Variants in AMMECR1 observed in about 807,000 individuals in gnomAD.
The protein encoded by AMMECR1 is nuclear protein AMMECR1.
AMMECR1 carries 3 observed loss-of-function variants against 22.5 expected under a neutral mutation model. That is an observed-to-expected ratio of 0.13 (90% CI 0.06 to 0.35). AMMECR1 has a LOEUF of 0.35. Among genes scored for constraint, AMMECR1 ranks in the 10% least tolerant of loss-of-function variants. The pLI, the probability that AMMECR1 is intolerant of heterozygous loss-of-function variation, is 1.00. For synonymous variants in AMMECR1, 130 were observed against 116.7 expected (o/e 1.11, Z -0.74); for missense variants, 235 against 278.7 (o/e 0.84, Z 1.12).
upstream of AMMECR1, among the ~76,000 whole-genome samples, chrX:110,323,009 G>T (rs1381222650): frequency 8.9e-6 from 1 of 111,826 alleles, no homozygotes; most frequent in Non-Finnish European, 1.9e-5. Flanking sequence ...TGCCTGGTAA[G>T]TAGGCTGCTG....
At chrX:110,386,346 TTTTA>T (rs2068455044) in intron 2 of AMMECR1, among the ~76,000 whole-genome samples, 1 of 109,951 alleles carries the variant, frequency 9.1e-6, no homozygotes, top group African/African-American at 3.3e-5. Context: ...ATTATATTTA[TTTTA>T]TTTTTTATTT....
chrX:110,312,947 A>T (rs2068030578), intron 1 of AMMECR1, among the ~76,000 whole-genome samples: 1 of 112,785 alleles, frequency 8.9e-6, no homozygotes, highest in Non-Finnish European at 1.9e-5. Flanking sequence ...TGCGATAGAC[A>T]GATACATCTT....
In AMMECR1 at chrX:110,421,569, G is replaced by A. The variant is rs183476084; in HGVS notation, c.-148+5089C>T. On this transcript the variant is annotated intron_variant, in intron 2 of 7. Coordinates refer to the AMMECR1 transcript ENST00000372057. ...AAATTCGAGCATATTTGCATTTATC[G>A]ACAGGTATTACTGATGGTAGAACAT... Among the ~76,000 whole-genome samples, 130 of 112,579 alleles carry A rather than the reference G, an allele frequency of 1.2e-3. 1 individual carries two copies. The highest frequency in any genetic ancestry group is 1.8e-3 in the Non-Finnish European group (98 of 53,289).
chrX:110,259,679 C>G (rs1372498108), intron 2 of AMMECR1, among the ~76,000 whole-genome samples: 1 of 107,849 alleles, frequency 9.3e-6, no homozygotes, highest in Non-Finnish European at 1.9e-5. Context: ...GCAAGCTCTG[C>G]CTCCCGGGTT....
rs139055597 is a variant in AMMECR1 at position 110,298,590 on chromosome X, C to G, written c.473+19009G>C. The stretch of plus-strand genomic sequence containing the variant: ...TACTTTCCATATAACTGCCCTGTCT[C>G]TCTTAACGTAGCACCTACAATTGTA... On this transcript the variant is annotated intron_variant, in intron 1 of 5. Transcript: ENST00000262844. 1.1e-3 allele frequency among the ~76,000 whole-genome samples: 123 copies of G among 111,394 alleles called. 1 individual carries two copies. The highest frequency in any genetic ancestry group is 0.011 in the East Asian group (39 of 3,545).
chrX:110,264,271 T>C (rs975644639), intron 2 of AMMECR1, among the ~76,000 whole-genome samples: 1 of 110,337 alleles, frequency 9.1e-6, no homozygotes, highest in South Asian at 3.8e-4. Flanking sequence ...AAAACATCGA[T>C]GGCAGAATAC....
intron 2 of AMMECR1, among the ~76,000 whole-genome samples, chrX:110,380,201 G>A (rs1278619657): frequency 8.9e-6 from 1 of 111,769 alleles, no homozygotes; most frequent in Non-Finnish European, 1.9e-5. Flanking sequence ...AGGAATTAAG[G>A]TTGCAAAATT....
Position 110,314,507 on chromosome X carries a change from T to G in AMMECR1, c.473+3092A>C, listed in dbSNP as rs189264947. On this transcript the variant is annotated intron_variant, in intron 1 of 5. Coordinates refer to ENST00000262844, the MANE Select transcript of AMMECR1 (RefSeq NM_015365.3). ...AAATTAGAATCTCTGGAGTTGGGGC[T>G]CAGGCATCCATATTTTTAATAACTT... Among the ~76,000 whole-genome samples, 106 of 111,515 alleles carry G rather than the reference T, an allele frequency of 9.5e-4. 1 individual carries two copies. The East Asian group carries it at 0.029, about 30-fold the overall frequency.
intron 2 of AMMECR1, among the ~76,000 whole-genome samples, chrX:110,393,651 C>T (rs761824385): frequency 1.8e-5 from 2 of 112,176 alleles, no homozygotes; most frequent in Middle Eastern, 4.6e-3. Context: ...CCTACCCTGG[C>T]CTGAGAACTG....
At chrX:110,202,733 T>C (rs760044450) in intron 3 of AMMECR1, among the ~76,000 whole-genome samples, 197 bp from the exon 4 acceptor site, 1 of 112,011 alleles carries the variant, frequency 8.9e-6, no homozygotes, top group South Asian at 3.7e-4. Context: ...AAATATTGAT[T>C]TGCATGTGCC....
At position 110,216,610 on chromosome X, in the gene AMMECR1, G is replaced by A. The variant is rs2148170890; in HGVS notation, c.607C>T (p.Pro203Ser). 1.7e-6 allele frequency: 2 copies of A among 1,201,898 alleles called. No individual in the cohort carries two copies. Among genetic ancestry groups the A allele is most frequent in the South Asian group, 1.8e-5 (1 of 56,095 alleles). The change falls in exon 3 of 6, where the codon CCC (proline) becomes TCC (serine). Residue 203 changes from proline (P) to serine (S), a missense_variant. Around this residue, in one of 2 missense-constraint regions of AMMECR1, gnomAD observed 111 missense variants for 181.7 expected, o/e 0.61. Transcript: ENST00000262844. ...GGCAGCTCATCCCTTGTCATTGGGGGAAAACGGCTATCTTTAAGGGCACTG... is the reference window on the plus strand; with the variant it reads ...GGCAGCTCATCCCTTGTCATTGGGGAAAAACGGCTATCTTTAAGGGCACTG... ...LTSALKDSRF[P>S]PMTRDELPRL...
At chrX:110,244,527 C>T (rs2067649064) in intron 2 of AMMECR1, among the ~76,000 whole-genome samples, 1 of 111,789 alleles carries the variant, frequency 8.9e-6, no homozygotes, top group Admixed American at 9.5e-5. Context: ...TAAAACCTTC[C>T]CCAATCTATC....
chrX:110,339,243 C>T (rs1376298289), intron 2 of AMMECR1, among the ~76,000 whole-genome samples: 1 of 110,575 alleles, frequency 9.0e-6, no homozygotes, highest in Non-Finnish European at 1.9e-5. Context: ...CAAAATACTG[C>T]ATGTTGCAAT....
At chrX:110,336,252 A>G (rs777140913) in intron 2 of AMMECR1, among the ~76,000 whole-genome samples, 4 of 111,974 alleles carry the variant, frequency 3.6e-5, no homozygotes, top group Admixed American at 9.5e-5. Context: ...GTTTCATTGC[A>G]TGTCAAGGTT....
chrX:110,291,665 T>C (rs1023607864), intron 1 of AMMECR1, among the ~76,000 whole-genome samples: 4 of 112,050 alleles, frequency 3.6e-5, no homozygotes, highest in Admixed American at 9.4e-5. Flanking sequence ...TGATGTTATA[T>C]TGCAGAATTT....
intron 2 of AMMECR1, among the ~76,000 whole-genome samples, chrX:110,354,860 C>T (rs943978006): frequency 9.8e-5 from 11 of 111,833 alleles, no homozygotes; most frequent in South Asian, 3.7e-4. Context: ...CTTGAACATA[C>T]GACCTGAAAC....
intron 1 of AMMECR1, among the ~76,000 whole-genome samples, chrX:110,295,309 G>A (rs2067929840): frequency 9.0e-6 from 1 of 111,219 alleles, no homozygotes; most frequent in Admixed American, 9.6e-5. Flanking sequence ...ATATCATTAA[G>A]CACTTTGAGG....
At chrX:110,373,604 G>T (rs754470631) in intron 2 of AMMECR1, among the ~76,000 whole-genome samples, 11 of 112,335 alleles carry the variant, frequency 9.8e-5, no homozygotes, top group Admixed American at 1.9e-4. Context: ...CAAGAAATGG[G>T]AGAATTATGT....
At chrX:110,413,607 G>T (rs1182561424) in intron 2 of AMMECR1, among the ~76,000 whole-genome samples, 3 of 99,491 alleles carry the variant, frequency 3.0e-5, no homozygotes, top group African/African-American at 1.1e-4. Flanking sequence ...TGGGTGAGTT[G>T]GACATCCGTG....
Sources: allele counts gnomAD v4.1 joint callset (sites outside exome capture counted in the v4.1 genomes callset), GRCh38; gene constraint gnomAD v4.1.1; regional missense constraint gnomAD v4.1.1; transcripts MANE v1.5; gene names NCBI Gene and HGNC (gene_info 2026-07-23, HGNC 2026-07-21).